Variants in CCDC148 observed in about 807,000 individuals in gnomAD.
CCDC148 encodes coiled-coil domain-containing protein 148.
In CCDC148, 89 loss-of-function variants were observed where a neutral mutation model predicts 85.7. That is an observed-to-expected ratio of 1.04 (90% CI 0.87 to 1.24). CCDC148 has a LOEUF of 1.24. Among genes scored for constraint, CCDC148 ranks in the 50% most tolerant of loss-of-function variants. The pLI, the probability that CCDC148 is intolerant of heterozygous loss-of-function variation, is 0.00. For missense variants in CCDC148, 692 were observed against 671.7 expected (o/e 1.03, Z -0.33); for synonymous variants, 230 against 213.9 (o/e 1.08, Z -0.66).
intron 10 of CCDC148, among the ~76,000 whole-genome samples, chr2:158,224,171 T>C (rs1687359935): frequency 6.6e-6 from 1 of 152,096 alleles, no homozygotes; most frequent in Non-Finnish European, 1.5e-5. Context: ...ACGTGATGAA[T>C]GCACAAGCCT....
At chr2:158,172,471 T>C (rs1291383668) in intron 13 of CCDC148, among the ~76,000 whole-genome samples, 1 of 152,010 alleles carries the variant, frequency 6.6e-6, no homozygotes, top group African/African-American at 2.4e-5. Flanking sequence ...ATGTAGGGTA[T>C]ATAGAACATA....
intron 10 of CCDC148, among the ~76,000 whole-genome samples, chr2:158,240,044 G>C (rs530087687): frequency 2.6e-5 from 4 of 152,124 alleles, no homozygotes; most frequent in Admixed American, 6.6e-5. Flanking sequence ...GTAGGAAGCA[G>C]TTAATCAGAG....
chr2:158,192,520 G>C (rs1311952396), intron 11 of CCDC148, among the ~76,000 whole-genome samples: 1 of 152,040 alleles, frequency 6.6e-6, no homozygotes, highest in African/African-American at 2.4e-5. Flanking sequence ...TTTTAATAAA[G>C]TTTACAATGG....
At chr2:158,201,232 C>T (rs1459057407) in intron 11 of CCDC148, among the ~76,000 whole-genome samples, 1 of 152,086 alleles carries the variant, frequency 6.6e-6, no homozygotes, top group African/African-American at 2.4e-5. Flanking sequence ...TTCTTTTACA[C>T]TGAGTCCTAG....
intron 1 of CCDC148, among the ~76,000 whole-genome samples, chr2:158,412,791 G>A (rs1686315522): frequency 6.7e-6 from 1 of 149,744 alleles, no homozygotes; most frequent in African/African-American, 2.4e-5. Flanking sequence ...AATTATAATT[G>A]TTTAAAACAT....
intron 10 of CCDC148, among the ~76,000 whole-genome samples, chr2:158,221,281 G>A (rs945740020): frequency 6.6e-6 from 1 of 152,186 alleles, no homozygotes; most frequent in Non-Finnish European, 1.5e-5. Context: ...GTAAAATAAA[G>A]GTCGAGCTTA....
At chr2:158,391,037 A>C (rs1358862363) in intron 1 of CCDC148, among the ~76,000 whole-genome samples, 1 of 152,186 alleles carries the variant, frequency 6.6e-6, no homozygotes, top group African/African-American at 2.4e-5. Flanking sequence ...GAACATACAC[A>C]TACTTCATTC....
chr2:158,222,438 A>G (rs1687235330), intron 10 of CCDC148, among the ~76,000 whole-genome samples: 1 of 151,980 alleles, frequency 6.6e-6, no homozygotes, highest in African/African-American at 2.4e-5. Flanking sequence ...AGGCATTGCT[A>G]TAGTATAAGT....
chr2:158,248,355 C>T (rs1688650223), intron 10 of CCDC148, among the ~76,000 whole-genome samples: 1 of 152,154 alleles, frequency 6.6e-6, no homozygotes, highest in East Asian at 1.9e-4. Flanking sequence ...AAAATGTTAA[C>T]ATTTTAATGC....
chr2:158,281,085 C>T (rs75115134), intron 9 of CCDC148, among the ~76,000 whole-genome samples: 69,290 of 151,846 alleles, frequency 0.46, 16,294 homozygotes, highest in East Asian at 0.66. Context: ...CCGACGAGAA[C>T]AAAGACACAA....
chr2:158,326,542 C>A lies in CCDC148; in HGVS notation c.764+12184G>T, dbSNP rs377090670. 5.9e-5 allele frequency among the ~76,000 whole-genome samples: 9 copies of A among 152,224 alleles called. No individual in the cohort carries two copies. In the South Asian group the frequency reaches 1.7e-3, roughly 28 times the overall value. On this transcript the variant is annotated intron_variant, in intron 7 of 13. Transcript: ENST00000283233. ...AATACGAAGGATAAGTCAGTCATATCTTCATCTCATTTGCTCCATTTTCCT... is the reference window on the plus strand; with the variant it reads ...AATACGAAGGATAAGTCAGTCATATATTCATCTCATTTGCTCCATTTTCCT...
intron 1 of CCDC148, among the ~76,000 whole-genome samples, chr2:158,449,990 A>ATTT (rs5835706): frequency 2.1e-4 from 31 of 144,198 alleles, no homozygotes; most frequent in South Asian, 8.6e-4. Flanking sequence ...TGTCATCTTC[A>ATTT]TTTTTTTTTT....
chr2:158,180,662 A>G (rs1684853516), intron 11 of CCDC148, among the ~76,000 whole-genome samples: 1 of 152,100 alleles, frequency 6.6e-6, no homozygotes, highest in African/African-American at 2.4e-5. Flanking sequence ...GTGACAGAGA[A>G]GCCCAGGCAA....
At chr2:158,333,222 CT>C (rs1200121690) in intron 7 of CCDC148, among the ~76,000 whole-genome samples, 3 of 152,258 alleles carry the variant, frequency 2.0e-5, no homozygotes, top group East Asian at 3.9e-4. Flanking sequence ...TAAATTGTGT[CT>C]TTGTTCTCAT....
chr2:158,329,431 T>G (rs952846465), intron 7 of CCDC148, among the ~76,000 whole-genome samples: 2 of 152,190 alleles, frequency 1.3e-5, no homozygotes, highest in African/African-American at 4.8e-5. Flanking sequence ...TGTAGTATAG[T>G]TTGAGGCCAG....
chr2:158,433,930 C>T (rs563807248), intron 1 of CCDC148, among the ~76,000 whole-genome samples: 8 of 152,332 alleles, frequency 5.3e-5, no homozygotes, highest in South Asian at 2.1e-4. Context: ...GGGGGAGGGG[C>T]GTCCGCCATT....
At chr2:158,325,084 A>G (rs1322803391) in intron 7 of CCDC148, among the ~76,000 whole-genome samples, 1 of 88,462 alleles carries the variant, frequency 1.1e-5, no homozygotes, top group Non-Finnish European at 2.2e-5. Context: ...TACGTCTCCT[A>G]TTTGAAAAAA....
intron 1 of CCDC148, among the ~76,000 whole-genome samples, chr2:158,424,090 G>C (rs145242800): frequency 6.6e-6 from 1 of 152,204 alleles, no homozygotes; most frequent in African/African-American, 2.4e-5. Flanking sequence ...AGGATGTGGA[G>C]AAATAGGAAC....
intron 1 of CCDC148, among the ~76,000 whole-genome samples, chr2:158,371,098 A>G (rs1436496298): frequency 2.6e-5 from 4 of 151,962 alleles, no homozygotes; most frequent in Non-Finnish European, 5.9e-5. Flanking sequence ...ATTTTACTAT[A>G]TTCTGGGAAA....
Sources: gnomAD v4.1 joint callset for allele counts (sites outside exome capture counted in the v4.1 genomes callset) on GRCh38, gnomAD v4.1.1 for gene constraint, MANE v1.5 for transcripts, NCBI Gene and HGNC (gene_info 2026-07-23, HGNC 2026-07-21) for gene names.